Variants in NT5DC2 observed in about 807,000 individuals in gnomAD.
NT5DC2 encodes 5'-nucleotidase domain containing 2, also known as 5'-nucleotidase domain-containing protein 2.
Under a neutral mutation model 70.0 loss-of-function variants are expected in NT5DC2, and 41 were observed. The ratio of observed to expected loss-of-function variants is 0.59; its 90% confidence interval spans 0.46 to 0.76. The LOEUF (loss-of-function observed/expected upper bound fraction) is 0.76, where lower values mean the gene tolerates loss of function less well. Ranked by LOEUF, NT5DC2 falls within the 30% of genes least tolerant of loss-of-function variation. The pLI, the probability that NT5DC2 is intolerant of heterozygous loss-of-function variation, is 0.00. For missense variants in NT5DC2, 705 were observed against 783.2 expected (o/e 0.90, Z 1.19); for synonymous variants, 299 against 310.4 (o/e 0.96, Z 0.39).
In NT5DC2 at chr3:52,529,203, G is replaced by A. The variant is rs1289960552; in HGVS notation, c.364C>T (p.Leu122=). The change falls in exon 2 of 14, where the codon CTG becomes TTG. Residue 122 remains leucine, a synonymous_variant. Transcript: ENST00000422318. This position sits in a 1 kb window ranked among gnomAD's most constrained non-coding sequence, Gnocchi z 4.1. ...DYTLAQYADA[L]HPEIFSTARD... is the part of the protein sequence containing the mutation. Reference sequence around the variant, plus strand: ...GCGGTACTGAAGATCTCGGGGTGCAGTGCGTCTGCATACTGGGCCAGGGTG... The same window carrying A: ...GCGGTACTGAAGATCTCGGGGTGCAATGCGTCTGCATACTGGGCCAGGGTG... 2 of 1,614,124 alleles carry A rather than the reference G, an allele frequency of 1.2e-6. No homozygotes were observed. The highest frequency in any genetic ancestry group is 1.1e-5 in the South Asian group (1 of 91,080).
At chr3:52,534,773 G>T, upstream of NT5DC2, 1 of 1,334,404 alleles carries the variant, frequency 7.5e-7, no homozygotes, top group African/African-American at 1.5e-5. Context: ...GGCGCGCGTT[G>T]TTTTCTGAGG....
At position 52,527,830 on chromosome 3, in the gene NT5DC2, C is replaced by T. The variant is rs141492361; in HGVS notation, c.934G>A (p.Val312Ile). 4.5e-5 allele frequency: 73 copies of T among 1,613,220 alleles called. No homozygotes were observed. Among genetic ancestry groups the T allele is most frequent in the Middle Eastern group, 1.6e-4 (1 of 6,084 alleles). The change falls in exon 8 of 14, where the codon GTA becomes ATA. Residue 312 changes from valine (V) to isoleucine (I), a missense_variant and splice_region_variant. Coordinates refer to ENST00000422318, the MANE Select transcript of NT5DC2 (RefSeq NM_001134231.2). ...TCCATCCACAGGGGCTGGACTCACA[C>T]GAAGCTGAAAGGACTGTTGGTGATG... ...FLITNSPFSF[V>I]DKGMRHMVGP...
rs764703853 is a variant in NT5DC2, at chr3:52,528,554, G to C, written c.549-15C>G. 16 of 1,433,064 alleles carry C rather than the reference G, an allele frequency of 1.1e-5. No individual in the cohort carries two copies. In the Admixed American group the frequency reaches 1.3e-4, roughly 12 times the overall value. 88.8% of individuals were successfully genotyped at this position (1,433,064 alleles called of 1,614,324 possible). A position where few individuals can be genotyped will look rare whatever the true frequency, so the allele number is the denominator to read the frequency against. Reference sequence around the variant, plus strand: ...GCTGGAGGCCCCTGAGCAGGCCCAAGATACCATCAGTCCAAGGTAGTCCTG... The same window carrying C: ...GCTGGAGGCCCCTGAGCAGGCCCAACATACCATCAGTCCAAGGTAGTCCTG... On this transcript the variant is annotated splice_polypyrimidine_tract_variant and intron_variant, in intron 4 of 13. Transcript: ENST00000422318.
In NT5DC2 at chr3:52,529,618, G is replaced by C. The variant is rs1490073424; in HGVS notation, c.233-284C>G. On this transcript the variant is annotated intron_variant, in intron 1 of 13. Transcript: ENST00000422318. The surrounding 1 kb of genome is among the most constrained non-coding windows in gnomAD (Gnocchi z 4.1). ...ATAGCCCACCAGGTATACTGAGCCCGTGACTACTCCAGGCCCTCACCACTA... is the reference window on the plus strand; with the variant it reads ...ATAGCCCACCAGGTATACTGAGCCCCTGACTACTCCAGGCCCTCACCACTA... 6.6e-6 allele frequency among the ~76,000 whole-genome samples: 1 copy of C among 152,018 alleles called. No homozygotes were observed. Among genetic ancestry groups the C allele is most frequent in the Non-Finnish European group, 1.5e-5 (1 of 68,000 alleles).
Position 52,533,722 on chromosome 3 carries a change from G to GCCCCGCAC in NT5DC2, c.8_15dup (p.Leu6ValfsTer86). The GCCCCGCAC allele has an allele frequency of 1.0e-6, 1 of 993,220 alleles. No homozygotes were observed. Among genetic ancestry groups the GCCCCGCAC allele is most frequent in the African/African-American group, 1.8e-5 (1 of 56,848 alleles). The allele number at this position is 993,220 out of a possible 1,614,324, so 61.5% of individuals were successfully genotyped here. On this transcript the variant is annotated frameshift_variant, in exon 1 of 14. Coordinates refer to ENST00000422318, the MANE Select transcript of NT5DC2 (RefSeq NM_001134231.2). LOFTEE classifies it high-confidence loss of function. ...AGCCAGCGCCGAGCGGCCGCCCGCA[G>GCCCCGCAC]CCCCGCACCCGCCATGCCCACCGCG... is the stretch of plus-strand genomic sequence containing the variant.
upstream of NT5DC2, chr3:52,534,647 CTCG>C: frequency 6.2e-7 from 1 of 1,612,274 alleles, no homozygotes; most frequent in East Asian, 2.2e-5. Context: ...CCGCTCTCCA[CTCG>C]CATTTCTTCT....
chr3:52,525,699 G>T, intron 10 of NT5DC2: 1 of 180,332 alleles, frequency 5.5e-6, no homozygotes, highest in Non-Finnish European at 1.2e-5. Flanking sequence ...GGGGCCACCA[G>T]CATCTTGGAG....
upstream of NT5DC2, chr3:52,534,832 C>A: frequency 1.4e-6 from 1 of 713,386 alleles, no homozygotes; most frequent in Non-Finnish European, 2.3e-6. Flanking sequence ...CTCCACTGAA[C>A]CTTGATTGAA....
At chr3:52,532,215 G>A (rs2079371225) in intron 1 of NT5DC2, 1 of 985,452 alleles carries the variant, frequency 1.0e-6, no homozygotes, top group Admixed American at 6.1e-5. Context: ...GAGGAGCTTA[G>A]AGGGCTGTGA....
rs749231831 is a variant in NT5DC2 at position 52,528,276 on chromosome 3, C to A, written c.678G>T (p.Ser226=). The A allele has an allele frequency of 6.2e-7, 1 of 1,613,382 alleles. No individual in the cohort carries two copies. Among genetic ancestry groups the A allele is most frequent in the Non-Finnish European group, 8.5e-7 (1 of 1,180,018 alleles). Residue 226 remains serine (S), a synonymous_variant, in exon 6 of 14, where the codon TCG becomes TCT. Transcript: ENST00000422318. ...AGGACAGCAGAGCCATCTCCGGTAG[C>A]GAGAAGATGTCCATGAACTGCTTAA... The part of the protein sequence containing the change: ...PSIKQFMDIF[S]LPEMALLSCV...
upstream of NT5DC2, chr3:52,534,767 C>G: frequency 7.0e-7 from 1 of 1,430,856 alleles, no homozygotes; most frequent in South Asian, 1.3e-5. Context: ...CAGCTGGGCG[C>G]GCGTTGTTTT....
rs1271813869 is a variant in NT5DC2, at chr3:52,528,291, G to GAACT, written c.659_662dup (p.Phe221LeufsTer29). 6.2e-7 allele frequency: 1 copy of GAACT among 1,613,346 alleles called. No homozygotes were observed. Among genetic ancestry groups the GAACT allele is most frequent in the South Asian group, 1.1e-5 (1 of 91,064 alleles). On this transcript the variant is annotated frameshift_variant, in exon 6 of 14. Transcript: ENST00000422318. LOFTEE classifies it high-confidence loss of function. The stretch of plus-strand genomic sequence containing the variant: ...TCTCCGGTAGCGAGAAGATGTCCAT[G>GAACT]AACTGCTTAATGGAGGGACCCTGGG...
At position 52,529,392 on chromosome 3, in the gene NT5DC2, T is replaced by TGGCTCCTG; in HGVS notation, c.233-66_233-59dup. 3 of 1,547,408 alleles carry TGGCTCCTG rather than the reference T, an allele frequency of 1.9e-6. No individual in the cohort carries two copies. Among genetic ancestry groups the TGGCTCCTG allele is most frequent in the Non-Finnish European group, 1.8e-6 (2 of 1,131,902 alleles). On this transcript the variant is annotated intron_variant, in intron 1 of 13. Transcript: ENST00000422318. This position sits in a 1 kb window ranked among gnomAD's most constrained non-coding sequence, Gnocchi z 4.1. ...GGGATGATGATCCCTGCAGCAGCTA[T>TGGCTCCTG]GGCTCCTGAGCACTCTGTGGGGACC...
rs994969283 is a variant in NT5DC2 at position 52,525,290 on chromosome 3, G to A, written c.1125C>T (p.Asn375=). ...LEKGKIYRQG[N]LFDFLRLTEW... ...CCGTCAAGCGTAAGAAGTCAAACAG[G>A]TTTCCCTAGGGAGAGGAGGGGAATG... Residue 375 remains asparagine, a synonymous_variant, in exon 11 of 14, where the codon AAC becomes AAT. Transcript: ENST00000422318. 6.2e-7 allele frequency: 1 copy of A among 1,612,376 alleles called. No homozygotes were observed. The highest frequency in any genetic ancestry group is 8.5e-7 in the Non-Finnish European group (1 of 1,179,644).
In NT5DC2 at chr3:52,524,539, G is replaced by GA. The variant is rs1346002170; in HGVS notation, c.1604dup (p.Trp536LeufsTer17). Reference sequence around the variant, plus strand: ...AGCCGGTGCAGAGCTGGTCCATCCAGAGGGGTGCCTCGTGCTGCAGCGGCG... The same window carrying GA: ...AGCCGGTGCAGAGCTGGTCCATCCAGAAGGGGTGCCTCGTGCTGCAGCGGCG... On this transcript the variant is annotated frameshift_variant, in exon 14 of 14. Transcript: ENST00000422318. LOFTEE classifies it high-confidence loss of function. 6.2e-7 allele frequency: 1 copy of GA among 1,613,022 alleles called. No individual in the cohort carries two copies. Among genetic ancestry groups the GA allele is most frequent in the Non-Finnish European group, 8.5e-7 (1 of 1,180,042 alleles).
intron 9 of NT5DC2, 97 bp downstream of exon 9, chr3:52,527,520 T>C: frequency 6.7e-7 from 1 of 1,482,100 alleles, no homozygotes; most frequent in South Asian, 1.2e-5. Flanking sequence ...CATTGGGCAG[T>C]GGGCAAGGGC....
In NT5DC2 at chr3:52,529,449, T is replaced by C. The variant is rs939526126; in HGVS notation, c.233-115A>G. 1.1e-6 allele frequency: 1 copy of C among 915,352 alleles called. No individual in the cohort carries two copies. The highest frequency in any genetic ancestry group is 1.7e-6 in the Non-Finnish European group (1 of 595,724). The allele number at this position is 915,352 out of a possible 1,614,324, so 56.7% of individuals were successfully genotyped here. A position where few individuals can be genotyped will look rare whatever the true frequency, so the allele number is the denominator to read the frequency against. The stretch of plus-strand genomic sequence containing the variant: ...TGTGAGCCTCAGAAACGCCCCACAA[T>C]GGCACCTCTTATTCCAGTGCTGGAG... On this transcript the variant is annotated intron_variant, in intron 1 of 13. Transcript: ENST00000422318. This position sits in a 1 kb window ranked among gnomAD's most constrained non-coding sequence, Gnocchi z 4.1.
At chr3:52,524,770 GGGGTGGTGGCTT>G (rs1321760986) in intron 13 of NT5DC2, 35 bp downstream of exon 13, 1 of 1,612,606 alleles carries the variant, frequency 6.2e-7, no homozygotes, top group Non-Finnish European at 8.5e-7. Context: ...GGGTGGGCCT[GGGGTGGTGGCTT>G]GGCTGGGACT....
chr3:52,533,635 C>G lies in NT5DC2; in HGVS notation c.103G>C (p.Gly35Arg). ...ASSSPSCPGC[G>R]PPGPGAHCPG... ...CAGTGGGCGCCGGGACCCGGGGGGC[C>G]GCACCCAGGGCAGGAGGGCGAGGAC... is the stretch of plus-strand genomic sequence containing the variant. The change falls in exon 1 of 14, where the codon GGC becomes CGC. Residue 35 changes from glycine to arginine, a missense_variant. Coordinates refer to ENST00000422318, the MANE Select transcript of NT5DC2 (RefSeq NM_001134231.2). The G allele has an allele frequency of 8.2e-7, 1 of 1,213,724 alleles. No individual in the cohort carries two copies. Among genetic ancestry groups the G allele is most frequent in the Non-Finnish European group, 1.0e-6 (1 of 976,772 alleles). The allele number at this position is 1,213,724 out of a possible 1,614,324, so 75.2% of individuals were successfully genotyped here.
Sources: gnomAD v4.1 joint callset for allele counts (sites outside exome capture counted in the v4.1 genomes callset) on GRCh38, gnomAD v4.1.1 for gene constraint, Gnocchi (gnomAD v3.1) non-coding constraint, MANE v1.5 for transcripts, NCBI Gene and HGNC (gene_info 2026-07-23, HGNC 2026-07-21) for gene names.